Variants in ACADM observed in about 807,000 individuals in gnomAD.
ACADM encodes medium-chain specific acyl-CoA dehydrogenase, mitochondrial.
A neutral mutation model predicts 58.9 loss-of-function variants in ACADM; 49 were observed. The observed-to-expected ratio is 0.83, with a 90% confidence interval of 0.66 to 1.06. The LOEUF (loss-of-function observed/expected upper bound fraction) is 1.06, where lower values mean the gene tolerates loss of function less well. Among genes scored for constraint, ACADM ranks in the 50% least tolerant of loss-of-function variants. The pLI is 0.00. For missense variants in ACADM, 496 were observed against 507.0 expected (o/e 0.98, Z 0.21); for synonymous variants, 160 against 157.7 (o/e 1.01, Z -0.11).
chr1:75,750,311 C>T (rs1475190969), intron 9 of ACADM, 140 bp from the exon 10 acceptor site: 2 of 720,084 alleles, frequency 2.8e-6, no homozygotes, highest in Non-Finnish European at 4.9e-6. Flanking sequence ...AACTTACGTG[C>T]CTATTCCCTG....
At chr1:75,753,351 A>G (rs1247373753) in intron 10 of ACADM, among the ~76,000 whole-genome samples, 2 of 150,382 alleles carry the variant, frequency 1.3e-5, no homozygotes, top group East Asian at 3.9e-4. Flanking sequence ...CCTCCATGTT[A>G]TCTCTTCTCA....
At position 75,749,465 on chromosome 1, in the gene ACADM, T is replaced by G. The variant is rs780510026; in HGVS notation, c.755T>G (p.Phe252Cys). ...TGTTCAGATACTAGAGGAATTGTCT[T>G]CGAAGATGTGAAAGTGCCTAAAGAA... ...QRCSDTRGIV[F>C]EDVKVPKENV... The change falls in exon 9 of 12, where the codon TTC (phenylalanine) becomes TGC (cysteine). Residue 252 changes from phenylalanine to cysteine, a missense_variant. By Grantham distance (205) the Phe-to-Cys change is radical (BLOSUM62 -2). Transcript: ENST00000370841. 6.2e-7 allele frequency: 1 copy of G among 1,614,104 alleles called. No homozygotes were observed. The highest frequency in any genetic ancestry group is 1.7e-5 in the Admixed American group (1 of 60,024).
At chr1:75,751,832 G>A (rs1648222533) in intron 10 of ACADM, among the ~76,000 whole-genome samples, 1 of 151,882 alleles carries the variant, frequency 6.6e-6, no homozygotes, top group South Asian at 2.1e-4. Flanking sequence ...TACTTCCCAT[G>A]TCCTCTTGAG....
chr1:75,762,578 G>A, intron 11 of ACADM, 114 bp from the exon 12 acceptor site: 2 of 706,988 alleles, frequency 2.8e-6, no homozygotes, highest in South Asian at 1.6e-5. Flanking sequence ...CCCTATATAT[G>A]GTTTGATTCG....
At chr1:75,737,162 G>T (rs549497632) in intron 6 of ACADM, among the ~76,000 whole-genome samples, 2 of 150,286 alleles carry the variant, frequency 1.3e-5, no homozygotes, top group African/African-American at 4.9e-5. Context: ...GCCAGGCATG[G>T]TGGCTCATGC....
intron 10 of ACADM, among the ~76,000 whole-genome samples, chr1:75,758,070 T>C (rs921698094): frequency 6.6e-6 from 1 of 152,154 alleles, no homozygotes; most frequent in African/African-American, 2.4e-5. Flanking sequence ...TTTTTAATTA[T>C]TATTTTTTTC....
At chr1:75,743,515 T>C in intron 7 of ACADM, 1 of 1,608,796 alleles carries the variant, frequency 6.2e-7, no homozygotes, top group Non-Finnish European at 8.5e-7. Context: ...CCGGTGATCA[T>C]AGGTCAGTGC....
At chr1:75,746,765 A>C (rs987628986) in intron 8 of ACADM, among the ~76,000 whole-genome samples, 1 of 151,814 alleles carries the variant, frequency 6.6e-6, no homozygotes, top group African/African-American at 2.4e-5. Context: ...CACCTGGCTA[A>C]TTTTTGTATT....
At chr1:75,725,242 A>G (rs72686164) in intron 1 of ACADM, among the ~76,000 whole-genome samples, 2 of 60,826 alleles carry the variant, frequency 3.3e-5, no homozygotes, top group South Asian at 3.3e-4. Flanking sequence ...TGCTTACGGG[A>G]AAAAAAAAAG....
intron 7 of ACADM, chr1:75,744,105 C>CCCGATGTT (rs1647745764): frequency 4.4e-6 from 7 of 1,588,728 alleles, no homozygotes; most frequent in Middle Eastern, 1.7e-4. Context: ...TTCATTTTCT[C>CCCGATGTT]CTGATGTTCT....
intron 9 of ACADM, among the ~76,000 whole-genome samples, chr1:75,750,130 C>T (rs191068185): frequency 1.1e-4 from 16 of 152,134 alleles, no homozygotes; most frequent in Admixed American, 6.5e-4. Flanking sequence ...AGAGGCAGTC[C>T]ACCCTAAATA....
chr1:75,726,468 TG>T (rs1477693426), intron 1 of ACADM, among the ~76,000 whole-genome samples: 2 of 152,230 alleles, frequency 1.3e-5, no homozygotes, highest in African/African-American at 4.8e-5. Context: ...TCAGGTTTTT[TG>T]TTCTGATTTT....
intron 1 of ACADM, among the ~76,000 whole-genome samples, chr1:75,727,773 C>G (rs1647078827): frequency 6.6e-6 from 1 of 152,118 alleles, no homozygotes; most frequent in Non-Finnish European, 1.5e-5. Context: ...CTTAGATCTG[C>G]TGTGAAAGCG....
Position 75,732,695 on chromosome 1 carries a change from G to C in ACADM, c.170G>C (p.Arg57Thr), listed in dbSNP as rs1168604916. The change falls in exon 3 of 12, where the codon AGA becomes ACA. Residue 57 changes from arginine (R) to threonine (T), a missense_variant. Coordinates refer to ENST00000370841, the MANE Select transcript of ACADM (RefSeq NM_000016.6). The part of the protein sequence containing the change: ...EFQATARKFA[R>T]EEIIPVAAEY... ...CAAGCTACTGCTCGTAAATTTGCCA[G>C]AGAGGAAATCATCCCAGTGGCTGCA... 6.2e-7 allele frequency: 1 copy of C among 1,614,080 alleles called. No individual in the cohort carries two copies. The highest frequency in any genetic ancestry group is 8.5e-7 in the Non-Finnish European group (1 of 1,179,978).
intron 2 of ACADM, among the ~76,000 whole-genome samples, chr1:75,729,295 C>CTTTTTTTTTTTTTTTT (rs35372302): frequency 1.3e-4 from 11 of 85,298 alleles, no homozygotes; most frequent in African/African-American, 1.5e-4. Context: ...TTTCTTTTTT[C>CTTTTTTTTTTTTTTTT]TTTTTTTTTT....
At position 75,729,455 on chromosome 1, in the gene ACADM, G is replaced by GTT. The variant is rs67063207; in HGVS notation, c.118+980_118+981dup. On this transcript the variant is annotated intron_variant, in intron 2 of 11. Transcript: ENST00000370841. ...CCCAGACCAAATGAAAAGTTTCTGT[G>GTT]TTTTTTTTTTTTTTCCTGTGACTTC... Among the ~76,000 whole-genome samples, 624 of 129,094 alleles carry GTT rather than the reference G, an allele frequency of 4.8e-3. 6 individuals are homozygous for GTT. Among genetic ancestry groups the GTT allele is most frequent in the African/African-American group, 0.01 (336 of 33,000 alleles). The allele number at this position is 129,094 out of a possible 152,430, so 84.7% of individuals were successfully genotyped here.
At chr1:75,761,575 A>C (rs551397840) in intron 11 of ACADM, 101 of 568,094 alleles carry the variant, frequency 1.8e-4, no homozygotes, top group Non-Finnish European at 2.8e-4. Context: ...AGAATAGGCT[A>C]AAAAAAATGG....
chr1:75,746,805 C>T (rs1416326515), intron 8 of ACADM, among the ~76,000 whole-genome samples: 1 of 151,930 alleles, frequency 6.6e-6, no homozygotes, highest in Non-Finnish European at 1.5e-5. Context: ...TGCTGTGTTG[C>T]CCAGGCTGGT....
At position 75,732,861 on chromosome 1, in the gene ACADM, C is replaced by T. The variant is rs770293389; in HGVS notation, c.225C>T (p.Val75=). 6.2e-7 allele frequency: 1 copy of T among 1,613,174 alleles called. No individual in the cohort carries two copies. The highest frequency in any genetic ancestry group is 8.5e-7 in the Non-Finnish European group (1 of 1,179,188). The change falls in exon 4 of 12, where the codon GTC becomes GTT. Residue 75 remains valine (V), a synonymous_variant. Coordinates refer to ENST00000370841, the MANE Select transcript of ACADM (RefSeq NM_000016.6). Reference sequence around the variant, plus strand: ...AGTTCTTTTTCTTCTAGTATCCAGTCCCCCTAATTAGAAGAGCCTGGGAAC... The same window carrying T: ...AGTTCTTTTTCTTCTAGTATCCAGTTCCCCTAATTAGAAGAGCCTGGGAAC... ...AEYDKTGEYP[V]PLIRRAWELG... is the part of the protein sequence containing the mutation.
Sources: allele counts gnomAD v4.1 joint callset (sites outside exome capture counted in the v4.1 genomes callset), GRCh38; gene constraint gnomAD v4.1.1; transcripts MANE v1.5; gene names NCBI Gene and HGNC (gene_info 2026-07-23, HGNC 2026-07-21).